The following METTL26 variants were observed in gnomAD, a reference collection of about 807,000 sequenced individuals.
The protein encoded by METTL26 is methyltransferase-like 26.
A neutral mutation model predicts 24.7 loss-of-function variants in METTL26; 28 were observed. The observed-to-expected ratio is 1.13, with a 90% CI of 0.84 to 1.55. METTL26 has a LOEUF of 1.55. Ranked by LOEUF, METTL26 falls within the 40% of genes most tolerant of loss-of-function variation. METTL26 has a pLI of 0.00. For missense variants in METTL26, 344 were observed against 281.2 expected (o/e 1.22, Z -1.60); for synonymous variants, 165 against 125.2 (o/e 1.32, Z -2.12).
rs377689531 is a variant in METTL26 at position 634,663 on chromosome 16, G to A, written c.568-19C>T. ...TGTCCACCTGGAGAAACACTTTGCTGGAGGACGGCCCTCAACCCCTAGAGA... is the reference window on the plus strand; with the variant it reads ...TGTCCACCTGGAGAAACACTTTGCTAGAGGACGGCCCTCAACCCCTAGAGA... On this transcript the variant is annotated intron_variant, in intron 5 of 5. Coordinates refer to ENST00000301686, the MANE Select transcript of METTL26 (RefSeq NM_032366.5). 4 of 1,612,996 alleles carry A rather than the reference G, an allele frequency of 2.5e-6. No homozygotes were observed. The highest frequency in any genetic ancestry group is 3.4e-6 in the Non-Finnish European group (4 of 1,179,980).
intron 1 of METTL26, 29 bp downstream of exon 1, chr16:636,065 G>A: frequency 2.1e-6 from 3 of 1,414,962 alleles, no homozygotes; most frequent in Non-Finnish European, 1.8e-6. Context: ...CCGCCGCACC[G>A]ATAGAAGTGG....
Position 634,782 on chromosome 16 carries a change from C to A in METTL26, c.504G>T (p.Gly168=), listed in dbSNP as rs774610311. The part of the protein sequence containing the change: ...LMLRCRNPEW[G]LRDTALLEDL... Reference sequence around the variant, plus strand: ...CCTCCAGGAGGGCTGTGTCCCGAAGCCCCCATTCTGGGTTCCTGCAGAGGG... The same window carrying A: ...CCTCCAGGAGGGCTGTGTCCCGAAGACCCCATTCTGGGTTCCTGCAGAGGG... The change falls in exon 5 of 6, where the codon GGG becomes GGT. Residue 168 remains glycine (G), a synonymous_variant. Transcript: ENST00000301686. 1 of 1,610,924 alleles carries A rather than the reference C, an allele frequency of 6.2e-7. No homozygotes were observed. Among genetic ancestry groups the A allele is most frequent in the Non-Finnish European group, 8.5e-7 (1 of 1,178,810 alleles).
chr16:635,571 G>A, intron 2 of METTL26, 41 bp downstream of exon 2: 1 of 1,545,966 alleles, frequency 6.5e-7, no homozygotes, highest in South Asian at 1.2e-5. Context: ...TGCAGGGTGA[G>A]TGGTGCCACG....
chr16:634,688 AGGTT>A, intron 5 of METTL26, 27 bp downstream of exon 5: 2 of 1,612,876 alleles, frequency 1.2e-6, no homozygotes, highest in Non-Finnish European at 8.5e-7. Context: ...ACCCCTAGAG[AGGTT>A]GCCTGGGCCC....
At chr16:635,822 C>T in intron 1 of METTL26, 48 bp from the exon 2 acceptor site, 1 of 1,492,768 alleles carries the variant, frequency 6.7e-7, no homozygotes, top group Non-Finnish European at 9.0e-7. Context: ...GTGCACCCGC[C>T]TTTCCGACGC....
Position 635,684 on chromosome 16 carries a change from C to A in METTL26, c.288G>T (p.Gly96=), listed in dbSNP as rs1475508859. ...DVTWGWEHWG[G]ILPQSLDLLL... ...ACAGGTCCAGCGACTGTGGCAGGAT[C>A]CCGCCCCAGTGCTCCCAGCCCCACG... The change falls in exon 2 of 6, where the codon GGG becomes GGT. Residue 96 remains glycine (G), a synonymous_variant. Coordinates refer to ENST00000301686, the MANE Select transcript of METTL26 (RefSeq NM_032366.5). 2 of 1,557,432 alleles carry A rather than the reference C, an allele frequency of 1.3e-6. No homozygotes were observed.
chr16:636,271 G>A lies in METTL26; in HGVS notation c.20C>T (p.Ala7Val), dbSNP rs1202485555. Residue 7 changes from alanine to valine, a missense_variant, in exon 1 of 6, where the codon GCG becomes GTG. Ala to Val is a moderately conservative substitution (Grantham distance 64). Coordinates refer to ENST00000301686, the MANE Select transcript of METTL26 (RefSeq NM_032366.5). MLVAAA[A>V]ERNKDPILHV... Reference sequence around the variant, plus strand: ...CAAGATGGGATCCTTGTTCCGCTCCGCGGCCGCCGCCACCAGCATCGCGGC... The same window carrying A: ...CAAGATGGGATCCTTGTTCCGCTCCACGGCCGCCGCCACCAGCATCGCGGC... 9 of 1,454,456 alleles carry A rather than the reference G, an allele frequency of 6.2e-6. No homozygotes were observed. Among genetic ancestry groups the A allele is most frequent in the South Asian group, 1.4e-5 (1 of 73,872 alleles). 90.1% of individuals were successfully genotyped at this position (1,454,456 alleles called of 1,614,324 possible).
intron 2 of METTL26, 117 bp downstream of exon 2, chr16:635,495 T>G (rs1337031063): frequency 9.2e-7 from 1 of 1,084,108 alleles, no homozygotes; most frequent in Non-Finnish European, 1.3e-6. Context: ...CCGACTGTGA[T>G]GGGGGAGGCT....
In METTL26 at chr16:635,669, C is replaced by A. The variant is rs1362876228; in HGVS notation, c.303G>T (p.Ser101=). 6.4e-7 allele frequency: 1 copy of A among 1,554,486 alleles called. No homozygotes were observed. The highest frequency in any genetic ancestry group is 1.2e-5 in the South Asian group (1 of 84,318). Residue 101 remains serine (S), a synonymous_variant, in exon 2 of 6, where the codon TCG becomes TCT. Coordinates refer to ENST00000301686, the MANE Select transcript of METTL26 (RefSeq NM_032366.5). ...WEHWGGILPQ[S]LDLLLCINMA... ...TGTTGATGCAGAGCAACAGGTCCAG[C>A]GACTGTGGCAGGATCCCGCCCCAGT... is the stretch of plus-strand genomic sequence containing the variant.
chr16:635,927 C>T, intron 1 of METTL26, 153 bp from the exon 2 acceptor site: 1 of 1,340,604 alleles, frequency 7.5e-7, no homozygotes, highest in Non-Finnish European at 9.9e-7. Context: ...CCCACTTCCG[C>T]AGCCGCGGGG....
intron 3 of METTL26, 120 bp downstream of exon 3, chr16:635,161 G>A: frequency 1.4e-6 from 2 of 1,474,072 alleles, no homozygotes; most frequent in South Asian, 1.3e-5. Context: ...GGAAGTGGAG[G>A]GGAGGCCGTG....
intron 1 of METTL26, 91 bp from the exon 2 acceptor site, chr16:635,865 CA>C: frequency 6.9e-7 from 1 of 1,443,356 alleles, no homozygotes; most frequent in East Asian, 2.5e-5. Context: ...GGCTGGGGGG[CA>C]CGTTGAGGAG....
In METTL26 at chr16:635,730, GCCTTCACGTTGGTCAGGC is replaced by G; in HGVS notation, c.224_241del (p.Gly75_Lys80del). ...CCACGTCACGTCCAGGTGTAGCGGG[GCCTTCACGTTGGTCAGGC>G]CCTGGGCTTGCGTGGTGGCCGCGAT... On this transcript the variant is annotated inframe_deletion, in exon 2 of 6. Transcript: ENST00000301686. 6.3e-7 allele frequency: 1 copy of G among 1,576,858 alleles called. No homozygotes were observed. The highest frequency in any genetic ancestry group is 8.6e-7 in the Non-Finnish European group (1 of 1,162,684).
chr16:636,197 G>A lies in METTL26; in HGVS notation c.94C>T (p.Leu32Phe), dbSNP rs879008513. The A allele has an allele frequency of 8.7e-6, 13 of 1,489,842 alleles. No homozygotes were observed. The highest frequency in any genetic ancestry group is 5.1e-5 in the South Asian group (4 of 78,450). The allele number at this position is 1,489,842 out of a possible 1,614,324, so 92.3% of individuals were successfully genotyped here. Residue 32 changes from leucine (L) to phenylalanine (F), a missense_variant, in exon 1 of 6, where the codon CTC becomes TTC. Coordinates refer to ENST00000301686, the MANE Select transcript of METTL26 (RefSeq NM_032366.5). The part of the protein sequence containing the change: ...LDPAQRGVRV[L>F]EVASGSGQHA... ...TGGCCGGAGCCCGAGGCCACCTCGA[G>A]GACGCGGACGCCACGCTGGGCCGGA...
chr16:636,294 G>C lies in METTL26; in HGVS notation c.-4C>G. 2 of 1,433,924 alleles carry C rather than the reference G, an allele frequency of 1.4e-6. No homozygotes were observed. Among genetic ancestry groups the C allele is most frequent in the Admixed American group, 6.3e-5 (2 of 31,850 alleles). The allele number at this position is 1,433,924 out of a possible 1,614,324, so 88.8% of individuals were successfully genotyped here. The stretch of plus-strand genomic sequence containing the variant: ...CCGCGGCCGCCGCCACCAGCATCGC[G>C]GCAGCAACAACTCCCCGCCGCGGAC... On this transcript the variant is annotated 5_prime_UTR_variant, in exon 1 of 6. Transcript: ENST00000301686.
At position 634,496 on chromosome 16, in the gene METTL26, T is replaced by G. The variant is rs377139768; in HGVS notation, c.*101A>C. On this transcript the variant is annotated 3_prime_UTR_variant, in exon 6 of 6. Coordinates refer to ENST00000301686, the MANE Select transcript of METTL26 (RefSeq NM_032366.5). Reference sequence around the variant, plus strand: ...TCGGCCAGCGGCTGAGAGCACAGACTGGGTGGGGCTGTCGTCCACAAGGTC... The same window carrying G: ...TCGGCCAGCGGCTGAGAGCACAGACGGGGTGGGGCTGTCGTCCACAAGGTC... 4 of 1,602,604 alleles carry G rather than the reference T, an allele frequency of 2.5e-6. No individual in the cohort carries two copies. In the African/African-American group the frequency reaches 5.4e-5, roughly 21 times the overall value.
chr16:635,921 C>T, intron 1 of METTL26, 147 bp from the exon 2 acceptor site: 1 of 1,342,442 alleles, frequency 7.4e-7, no homozygotes, highest in Non-Finnish European at 9.9e-7. Context: ...GGTCCACCCA[C>T]TTCCGCAGCC....
In METTL26 at chr16:634,898, A is replaced by T; in HGVS notation, c.479T>A (p.Leu160His). 6.2e-7 allele frequency: 1 copy of T among 1,603,152 alleles called. No individual in the cohort carries two copies. Among genetic ancestry groups the T allele is most frequent in the South Asian group, 1.1e-5 (1 of 89,678 alleles). Reference sequence around the variant, plus strand: ...CGCCTCTAGCTCTGACCTGCATCTGAGCATCAGGTCAAAGTCCACGTTGCT... The same window carrying T: ...CGCCTCTAGCTCTGACCTGCATCTGTGCATCAGGTCAAAGTCCACGTTGCT... ...PQSNVDFDLMLRCRNPEWGLR... is the reference protein window; with the variant it reads ...PQSNVDFDLMHRCRNPEWGLR... The change falls in exon 4 of 6, where the codon CTC (leucine) becomes CAC (histidine). Residue 160 changes from leucine (L) to histidine (H), a missense_variant. Physicochemically the swap from Leu to His is moderately conservative, Grantham distance 99 (BLOSUM62 -3). Transcript: ENST00000301686.
In METTL26 at chr16:634,518, G is replaced by A. The variant is rs1370713256; in HGVS notation, c.*79C>T. On this transcript the variant is annotated 3_prime_UTR_variant, in exon 6 of 6. Transcript: ENST00000301686. The stretch of plus-strand genomic sequence containing the variant: ...GACTGGGTGGGGCTGTCGTCCACAA[G>A]GTCCGGCCTAGGGAGGCAGGGTTCG... The A allele has an allele frequency of 5.0e-6, 8 of 1,611,806 alleles. No homozygotes were observed. Among genetic ancestry groups the A allele is most frequent in the Non-Finnish European group, 6.8e-6 (8 of 1,179,120 alleles).
Sources: allele counts gnomAD v4.1 joint callset, GRCh38; gene constraint gnomAD v4.1.1; transcripts MANE v1.5; gene names NCBI Gene and HGNC (gene_info 2026-07-23, HGNC 2026-07-21).